TAF5: variants seen among roughly 807,000 people sequenced by gnomAD.
TAF5 encodes TATA-box binding protein associated factor 5, also known as transcription initiation factor TFIID subunit 5.
A neutral mutation model predicts 80.9 loss-of-function variants in TAF5; 20 were observed. The ratio of observed to expected loss-of-function variants is 0.25; its 90% CI spans 0.17 to 0.36. The LOEUF (loss-of-function observed/expected upper bound fraction) is 0.36. Among genes scored for constraint, TAF5 ranks in the 10% least tolerant of loss-of-function variants. The pLI is 1.00. For missense variants in TAF5, 863 were observed against 1,029.4 expected (o/e 0.84, Z 2.21); for synonymous variants, 388 against 406.4 (o/e 0.95, Z 0.55).
At position 103,388,155 on chromosome 10, in the gene TAF5, C is replaced by T. The variant is rs763828005; in HGVS notation, c.2335C>T (p.Pro779Ser). The change falls in exon 11 of 11, where the codon CCA (proline) becomes TCA (serine). Residue 779 changes from proline to serine, a missense_variant. This residue lies in a region of TAF5 where 368 missense variants were observed against 461.7 expected (regional missense o/e 0.80). Transcript: ENST00000369839. ...GGGAACATATATGACCAAATCAACA[C>T]CAGTTGTACACCTTCATTTTACTCG... is the stretch of plus-strand genomic sequence containing the variant. ...LLGTYMTKST[P>S]VVHLHFTRRN... The T allele has an allele frequency of 6.2e-7, 1 of 1,614,036 alleles. No individual in the cohort carries two copies. Among genetic ancestry groups the T allele is most frequent in the East Asian group, 2.2e-5 (1 of 44,846 alleles).
chr10:103,382,227 TG>T (rs2093384605), intron 6 of TAF5, among the ~76,000 whole-genome samples: 1 of 152,212 alleles, frequency 6.6e-6, no homozygotes, highest in Admixed American at 6.5e-5. Flanking sequence ...TTTTACTTTT[TG>T]TTTTTTTGAG....
Position 103,368,133 on chromosome 10 carries a change from C to T in TAF5, c.144C>T (p.Gly48=). The change falls in exon 1 of 11, where the codon GGC becomes GGT. Residue 48 remains glycine (G), a synonymous_variant. Coordinates refer to ENST00000369839, the MANE Select transcript of TAF5 (RefSeq NM_006951.5). The stretch of plus-strand genomic sequence containing the variant: ...CCAACAACGGCCCCAACGGCGGCGG[C>T]GGGAACGTTGCGGCGTCGTCGTCCA... ...GTTNNGPNGG[G]GNVAASSSTG... is the part of the protein sequence containing the mutation. 1 of 1,397,402 alleles carries T rather than the reference C, an allele frequency of 7.2e-7. No homozygotes were observed. 86.6% of individuals were successfully genotyped at this position (1,397,402 alleles called of 1,614,324 possible). A position where few individuals can be genotyped will look rare whatever the true frequency, so the allele number is the denominator to read the frequency against.
chr10:103,380,130 C>CG, intron 5 of TAF5, 111 bp downstream of exon 5: 2 of 1,266,746 alleles, frequency 1.6e-6, no homozygotes, highest in Non-Finnish European at 2.1e-6. Flanking sequence ...TATTTAAACT[C>CG]CTTTTTTTTT....
chr10:103,379,324 A>C (rs1054634079), intron 3 of TAF5, among the ~76,000 whole-genome samples: 4 of 152,236 alleles, frequency 2.6e-5, no homozygotes, highest in Admixed American at 2.0e-4. Flanking sequence ...TCAGGAAAAC[A>C]ATATTTTTTT....
chr10:103,372,454 C>G (rs2093361736), intron 1 of TAF5, among the ~76,000 whole-genome samples: 1 of 151,164 alleles, frequency 6.6e-6, no homozygotes, highest in African/African-American at 2.4e-5. Flanking sequence ...CCTGCCTCAG[C>G]CTCCCGAGTA....
rs928149455 is a variant in TAF5, at chr10:103,373,608, TTACA to T, written c.797+16_797+19del. The T allele has an allele frequency of 1.3e-6, 2 of 1,574,336 alleles. No individual in the cohort carries two copies. Among genetic ancestry groups the T allele is most frequent in the African/African-American group, 2.7e-5 (2 of 73,606 alleles). ...CATTCTTTGAGAAGTATGTAAATTT[TTACA>T]TATATATATATACACACATACGTAG... On this transcript the variant is annotated intron_variant, in intron 2 of 10. Coordinates refer to ENST00000369839, the MANE Select transcript of TAF5 (RefSeq NM_006951.5).
intron 1 of TAF5, among the ~76,000 whole-genome samples, chr10:103,372,527 G>A (rs2093361938): frequency 6.6e-6 from 1 of 150,786 alleles, no homozygotes; most frequent in African/African-American, 2.4e-5. Context: ...GTAGAGACGG[G>A]GTTTCACTGT....
rs1258287954 is a variant in TAF5 at position 103,388,722 on chromosome 10, G to T, written c.*499G>T. 6.5e-6 allele frequency: 1 copy of T among 154,102 alleles called. No homozygotes were observed. The highest frequency in any genetic ancestry group is 2.4e-5 in the African/African-American group (1 of 41,442). The allele number at this position is 154,102 out of a possible 1,614,324, so 9.5% of individuals were successfully genotyped here. A position where few individuals can be genotyped will look rare whatever the true frequency, so the allele number is the denominator to read the frequency against. On this transcript the variant is annotated 3_prime_UTR_variant, in exon 11 of 11. Coordinates refer to ENST00000369839, the MANE Select transcript of TAF5 (RefSeq NM_006951.5). ...TTGGCCCATGATTAATGGAATGTATGTAACTAGGTAGGGTTCCTTTCTTAG... is the reference window on the plus strand; with the variant it reads ...TTGGCCCATGATTAATGGAATGTATTTAACTAGGTAGGGTTCCTTTCTTAG...
chr10:103,377,260 C>T (rs1288727048), intron 2 of TAF5, among the ~76,000 whole-genome samples: 3 of 152,198 alleles, frequency 2.0e-5, no homozygotes, highest in Non-Finnish European at 2.9e-5. Context: ...GACAGTCTCA[C>T]CCCTTGCCAG....
Position 103,368,199 on chromosome 10 carries a change from C to A in TAF5, c.210C>A (p.Val70=). ...DGGTPKPTVA[V]SAAAPAGAAP... ...GGACCCCCAAGCCCACGGTGGCTGTCTCCGCCGCTGCCCCGGCGGGGGCGG... is the reference window on the plus strand; with the variant it reads ...GGACCCCCAAGCCCACGGTGGCTGTATCCGCCGCTGCCCCGGCGGGGGCGG... Residue 70 remains valine (V), a synonymous_variant, in exon 1 of 11, where the codon GTC becomes GTA. Transcript: ENST00000369839. 1 of 1,400,308 alleles carries A rather than the reference C, an allele frequency of 7.1e-7. No individual in the cohort carries two copies. The highest frequency in any genetic ancestry group is 1.5e-5 in the South Asian group (1 of 65,384). 86.7% of individuals were successfully genotyped at this position (1,400,308 alleles called of 1,614,324 possible).
At position 103,373,527 on chromosome 10, in the gene TAF5, G is replaced by T; in HGVS notation, c.729G>T (p.Leu243=). 1 of 1,614,146 alleles carries T rather than the reference G, an allele frequency of 6.2e-7. No individual in the cohort carries two copies. The highest frequency in any genetic ancestry group is 1.1e-5 in the South Asian group (1 of 91,074). The change falls in exon 2 of 11, where the codon CTG becomes CTT. Residue 243 remains leucine, a synonymous_variant. Coordinates refer to ENST00000369839, the MANE Select transcript of TAF5 (RefSeq NM_006951.5). ...AGTTGTCCCAACTTTTTTATCCTCTGTTTGTGCACATGTACTTGGAGCTAG... is the reference window on the plus strand; with the variant it reads ...AGTTGTCCCAACTTTTTTATCCTCTTTTTGTGCACATGTACTTGGAGCTAG... ...RAELSQLFYP[L]FVHMYLELVY... is the part of the protein sequence containing the mutation.
rs151090718 is a variant in TAF5 at position 103,387,429 on chromosome 10, A to G, written c.2007+77A>G. On this transcript the variant is annotated intron_variant, in intron 9 of 10. Transcript: ENST00000369839. ...ATATTTTTTAAACAAGTGACACATA[A>G]ATTTTAAAGATACCATTCTTACTAC... The G allele has an allele frequency of 4.1e-5, 63 of 1,548,320 alleles. No individual in the cohort carries two copies. In the African/African-American group the frequency reaches 7.9e-4, roughly 19 times the overall value.
intron 6 of TAF5, 113 bp from the exon 7 acceptor site, chr10:103,383,108 TTAGCAAAGTGCGGTTGG>T: frequency 1.4e-6 from 1 of 693,706 alleles, no homozygotes; most frequent in East Asian, 3.2e-5. Flanking sequence ...TTTAGAGGGA[TTAGCAAAGTGCGGTTGG>T]TATATAGGAG....
At chr10:103,386,745 C>G (rs2093397298) in intron 8 of TAF5, among the ~76,000 whole-genome samples, 1 of 150,286 alleles carries the variant, frequency 6.7e-6, no homozygotes, top group Non-Finnish European at 1.5e-5. Context: ...CTCACTGCAA[C>G]CTCTACCTCC....
intron 3 of TAF5, 115 bp from the exon 4 acceptor site, chr10:103,379,493 C>A: frequency 1.0e-6 from 1 of 963,866 alleles, no homozygotes; most frequent in Middle Eastern, 3.4e-4. Context: ...AAATACAGAA[C>A]CCTGCTTCAG....
chr10:103,369,246 T>C lies in TAF5; in HGVS notation c.559+698T>C, dbSNP rs993675897. On this transcript the variant is annotated intron_variant, in intron 1 of 10. Transcript: ENST00000369839. The stretch of plus-strand genomic sequence containing the variant: ...CACCTGCCTCGGCCTCCTACAGTGC[T>C]GGGATTACAGGCGTGAGACACCGCG... Among the ~76,000 whole-genome samples, 12 of 152,294 alleles carry C rather than the reference T, an allele frequency of 7.9e-5. No individual in the cohort carries two copies. The East Asian group carries it at 1.3e-3, about 17-fold the overall frequency.
In TAF5 at chr10:103,378,023, A is replaced by C. The variant is rs1250915711; in HGVS notation, c.798-212A>C. On this transcript the variant is annotated intron_variant, in intron 2 of 10. Coordinates refer to ENST00000369839, the MANE Select transcript of TAF5 (RefSeq NM_006951.5). The surrounding 1 kb of genome is among the most constrained non-coding windows in gnomAD (Gnocchi z 4.1). ...TCTTAAAATGTTTGTGATACATTTCATTAGAGAATTACATTTGTTCATTTT... is the reference window on the plus strand; with the variant it reads ...TCTTAAAATGTTTGTGATACATTTCCTTAGAGAATTACATTTGTTCATTTT... Among the ~76,000 whole-genome samples the C allele has an allele frequency of 6.6e-6, 1 of 152,188 alleles. No homozygotes were observed. The highest frequency in any genetic ancestry group is 1.5e-5 in the Non-Finnish European group (1 of 68,036).
intron 5 of TAF5, among the ~76,000 whole-genome samples, chr10:103,380,832 G>A (rs2093381100): frequency 6.6e-6 from 1 of 151,836 alleles, no homozygotes; most frequent in South Asian, 2.1e-4. Context: ...TGTTGCCCAG[G>A]CTGGTCTTGA....
intron 7 of TAF5, 42 bp downstream of exon 7, chr10:103,383,409 T>C (rs371499142): frequency 1.3e-6 from 2 of 1,530,840 alleles, no homozygotes; most frequent in Non-Finnish European, 1.7e-6. Flanking sequence ...CTATGTTATA[T>C]TGAAATTATA....
Sources: allele counts gnomAD v4.1 joint callset (sites outside exome capture counted in the v4.1 genomes callset), GRCh38; gene constraint gnomAD v4.1.1; regional missense constraint gnomAD v4.1.1; non-coding constraint Gnocchi (gnomAD v3.1); transcripts MANE v1.5; gene names NCBI Gene and HGNC (gene_info 2026-07-23, HGNC 2026-07-21).